Variants in MGMT observed in about 807,000 individuals in gnomAD.
MGMT encodes methylated-DNA--protein-cysteine methyltransferase.
In MGMT, 14 loss-of-function variants were observed where a neutral mutation model predicts 15.9. The ratio of observed to expected loss-of-function variants is 0.88; its 90% confidence interval spans 0.58 to 1.37. MGMT has a LOEUF of 1.37. Ranked by LOEUF, MGMT falls within the 40% of genes most tolerant of loss-of-function variation. MGMT has a pLI of 0.00. For missense variants in MGMT, 282 were observed against 268.1 expected (o/e 1.05, Z -0.36); for synonymous variants, 130 against 118.2 (o/e 1.10, Z -0.65).
At chr10:129,513,306 A>G (rs1485391409) in intron 1 of MGMT, among the ~76,000 whole-genome samples, 1 of 152,206 alleles carries the variant, frequency 6.6e-6, no homozygotes, top group Admixed American at 6.5e-5. Context: ...TTGGCTATAG[A>G]TAGAGGTGAT....
intron 3 of MGMT, among the ~76,000 whole-genome samples, chr10:129,758,986 G>T (rs1848838631): frequency 6.6e-6 from 1 of 152,272 alleles, no homozygotes; most frequent in African/African-American, 2.4e-5. Context: ...CTCCAAGGAT[G>T]CCTTCCAAGG....
intron 2 of MGMT, among the ~76,000 whole-genome samples, chr10:129,678,588 G>A (rs1589931578): frequency 6.6e-6 from 1 of 152,162 alleles, no homozygotes; most frequent in African/African-American, 2.4e-5. Flanking sequence ...ACATCCTTTG[G>A]TTGAGACTGT....
chr10:129,636,775 A>C (rs998331474), intron 2 of MGMT, among the ~76,000 whole-genome samples: 6 of 152,262 alleles, frequency 3.9e-5, no homozygotes, highest in African/African-American at 1.2e-4. Context: ...AATGTTTAAA[A>C]AAGTATGTGA....
At chr10:129,605,431 A>C (rs527515676) in intron 2 of MGMT, among the ~76,000 whole-genome samples, 5 of 152,264 alleles carry the variant, frequency 3.3e-5, no homozygotes, top group Non-Finnish European at 7.4e-5. Context: ...CCATCTGTAC[A>C]TCATTTCTGA....
At chr10:129,520,205 C>A (rs935513858) in intron 1 of MGMT, among the ~76,000 whole-genome samples, 1 of 152,112 alleles carries the variant, frequency 6.6e-6, no homozygotes, top group Non-Finnish European at 1.5e-5. Context: ...GCAAATGTTT[C>A]CTGAAATGGG....
At chr10:129,622,565 G>A (rs1164955692) in intron 2 of MGMT, among the ~76,000 whole-genome samples, 1 of 152,186 alleles carries the variant, frequency 6.6e-6, no homozygotes, top group Non-Finnish European at 1.5e-5. Context: ...ACAGAGGTAT[G>A]GTTAACTATC....
chr10:129,630,202 A>G (rs1169124524), intron 2 of MGMT, among the ~76,000 whole-genome samples: 1 of 152,186 alleles, frequency 6.6e-6, no homozygotes, highest in Non-Finnish European at 1.5e-5. Context: ...CCTTAGGAGC[A>G]ACAGGTACCC....
At chr10:129,524,400 T>C (rs1011453541) in intron 1 of MGMT, among the ~76,000 whole-genome samples, 2 of 152,190 alleles carry the variant, frequency 1.3e-5, no homozygotes, top group African/African-American at 4.8e-5. Context: ...AGCTCTGCCA[T>C]GCACCGTGCG....
chr10:129,482,541 A>T (rs777544587), intron 1 of MGMT, among the ~76,000 whole-genome samples: 1 of 152,134 alleles, frequency 6.6e-6, no homozygotes, highest in Non-Finnish European at 1.5e-5. Context: ...TACCCCTTTC[A>T]GTTCTGTTGG....
intron 1 of MGMT, among the ~76,000 whole-genome samples, chr10:129,486,142 G>T (rs535343255): frequency 1.4e-4 from 21 of 150,802 alleles, no homozygotes; most frequent in African/African-American, 4.1e-4. Context: ...CCAAGTCAAG[G>T]TGTGGTTCTG....
chr10:129,706,148 C>G (rs184897554), intron 2 of MGMT, among the ~76,000 whole-genome samples: 4 of 152,334 alleles, frequency 2.6e-5, no homozygotes, highest in Non-Finnish European at 5.9e-5. Context: ...CGCCCTGACA[C>G]GCACAGTCCT....
chr10:129,467,379 GC>G, intron 1 of MGMT, 83 bp downstream of exon 1: 1 of 1,396,576 alleles, frequency 7.2e-7, no homozygotes, highest in Non-Finnish European at 9.3e-7. Flanking sequence ...TCCTGCAGGC[GC>G]CCTCACTTCG....
chr10:129,649,676 C>T (rs1370373283), intron 2 of MGMT, among the ~76,000 whole-genome samples: 1 of 152,120 alleles, frequency 6.6e-6, no homozygotes, highest in Non-Finnish European at 1.5e-5. Context: ...GACTACAGGG[C>T]CCAAAGTTAT....
intron 2 of MGMT, among the ~76,000 whole-genome samples, chr10:129,574,232 A>G (rs2133041360): frequency 6.6e-6 from 1 of 152,312 alleles, no homozygotes; most frequent in Admixed American, 6.5e-5. Context: ...ACTTTAAAAG[A>G]CCTTTTACGA....
At chr10:129,505,095 C>T (rs962645146) in intron 1 of MGMT, among the ~76,000 whole-genome samples, 1 of 152,124 alleles carries the variant, frequency 6.6e-6, no homozygotes, top group Non-Finnish European at 1.5e-5. Context: ...CACTGGTATG[C>T]TGTTTTTCCA....
intron 1 of MGMT, among the ~76,000 whole-genome samples, chr10:129,527,168 C>T (rs1421726904): frequency 2.0e-5 from 3 of 152,228 alleles, no homozygotes; most frequent in Non-Finnish European, 4.4e-5. Context: ...GTTGTCGTCC[C>T]TGTGCAAGCC....
intron 3 of MGMT, among the ~76,000 whole-genome samples, chr10:129,714,397 C>T (rs530906259): frequency 1.3e-5 from 2 of 152,358 alleles, no homozygotes; most frequent in East Asian, 3.9e-4. Context: ...TGAACAACAT[C>T]TTGGGCTAGG....
intron 2 of MGMT, among the ~76,000 whole-genome samples, chr10:129,651,781 C>T (rs774694475): frequency 3.3e-5 from 5 of 152,138 alleles, no homozygotes; most frequent in Non-Finnish European, 5.9e-5. Flanking sequence ...AAAGGAAGAA[C>T]GGCCCTGCAG....
At chr10:129,478,971 A>G (rs1845326670) in intron 1 of MGMT, among the ~76,000 whole-genome samples, 1 of 152,220 alleles carries the variant, frequency 6.6e-6, no homozygotes, top group Non-Finnish European at 1.5e-5. Context: ...GTAATTATTA[A>G]TGATTGATTC....
Sources: allele counts gnomAD v4.1 joint callset (sites outside exome capture counted in the v4.1 genomes callset), GRCh38; gene constraint gnomAD v4.1.1; transcripts MANE v1.5; gene names NCBI Gene and HGNC (gene_info 2026-07-23, HGNC 2026-07-21).